CFAP70: variants seen among roughly 807,000 people sequenced by gnomAD.
CFAP70 encodes the protein cilia and flagella associated protein 70.
In CFAP70, 81 loss-of-function variants were observed where a neutral mutation model predicts 137.6. The ratio of observed to expected loss-of-function variants is 0.59; its 90% confidence interval spans 0.49 to 0.71. The LOEUF (loss-of-function observed/expected upper bound fraction) is 0.71. Ranked by LOEUF, CFAP70 falls within the 30% of genes least tolerant of loss-of-function variation. The pLI is 0.00. For synonymous variants in CFAP70, 382 were observed against 423.6 expected, an observed-to-expected ratio of 0.90 and a Z score of 1.20; for missense variants, 976 against 1,226.7, an observed-to-expected ratio of 0.80 and a Z score of 3.05.
At chr10:73,257,992 A>C (rs1336735656) in intron 25 of CFAP70, among the ~76,000 whole-genome samples, 3 of 151,204 alleles carry the variant, frequency 2.0e-5, no homozygotes, top group Non-Finnish European at 1.5e-5. Flanking sequence ...CCCTGGGTTC[A>C]AGCGATTCTC....
chr10:73,269,583 A>T, intron 25 of CFAP70, 31 bp downstream of exon 26: 1 of 1,530,934 alleles, frequency 6.5e-7, no homozygotes, highest in Non-Finnish European at 9.0e-7. Flanking sequence ...GTGCCCTAAA[A>T]GGGCATTGTG....
At position 73,345,086 on chromosome 10, in the gene CFAP70, CA is replaced by C. The variant is rs1211024594; in HGVS notation, c.377del (p.Leu126ArgfsTer20). The stretch of plus-strand genomic sequence containing the variant: ...TTACCTCTCCAAGTGATGGAACTTG[CA>C]GACCGACCATGTAGTTCTGCCCAGG... On this transcript the variant is annotated frameshift_variant, in exon 5 of 27. Transcript: ENST00000310715. LOFTEE classifies it high-confidence loss of function. 3 of 1,613,900 alleles carry C rather than the reference CA, an allele frequency of 1.9e-6. No homozygotes were observed. The highest frequency in any genetic ancestry group is 2.5e-6 in the Non-Finnish European group (3 of 1,179,960).
chr10:73,293,405 T>A lies in CFAP70; in HGVS notation c.1645-17A>T, dbSNP rs753241299. Reference sequence around the variant, plus strand: ...TGGCATGGTCTTGTCAATGTCAAGATGTTAGGTAGACAAAAATGAAACAAT... The same window carrying A: ...TGGCATGGTCTTGTCAATGTCAAGAAGTTAGGTAGACAAAAATGAAACAAT... On this transcript the variant is annotated splice_polypyrimidine_tract_variant and intron_variant, in intron 15 of 26. Coordinates refer to ENST00000310715, the Ensembl canonical transcript of CFAP70. The A allele has an allele frequency of 6.4e-7, 1 of 1,562,876 alleles. No homozygotes were observed. Among genetic ancestry groups the A allele is most frequent in the South Asian group, 1.2e-5 (1 of 83,814 alleles).
At chr10:73,334,308 T>A (rs1188598560) in intron 7 of CFAP70, among the ~76,000 whole-genome samples, 2 of 152,224 alleles carry the variant, frequency 1.3e-5, no homozygotes, top group East Asian at 3.8e-4. Flanking sequence ...AGAGGTTGGC[T>A]AATGAGACAT....
intron 9 of CFAP70, among the ~76,000 whole-genome samples, chr10:73,322,643 G>GATTCA (rs113796696): frequency 0.11 from 15,898 of 149,616 alleles, 1,196 homozygotes; most frequent in East Asian, 0.3. Context: ...ATGCATTTTA[G>GATTCA]TCTGTGCTGT....
At chr10:73,353,246 A>C (rs555848044) in intron 3 of CFAP70, among the ~76,000 whole-genome samples, 9 of 152,236 alleles carry the variant, frequency 5.9e-5, no homozygotes, top group African/African-American at 1.9e-4. Context: ...AGGTGATCTC[A>C]GTCTCTATTC....
At chr10:73,343,028 G>C (rs1282353473) in intron 5 of CFAP70, among the ~76,000 whole-genome samples, 3 of 152,000 alleles carry the variant, frequency 2.0e-5, no homozygotes, top group Non-Finnish European at 2.9e-5. Context: ...GGCTAATACG[G>C]TGAAACCCCA....
At chr10:73,308,628 C>CAAAA (rs201416589) in intron 12 of CFAP70, among the ~76,000 whole-genome samples, 689 of 64,114 alleles carry the variant, frequency 0.011, 12 homozygotes, top group African/African-American at 0.034. Flanking sequence ...AACTCCGTCT[C>CAAAA]AAAAAAAAAA....
intron 9 of CFAP70, among the ~76,000 whole-genome samples, chr10:73,317,194 T>G (rs1242402628): frequency 6.6e-6 from 1 of 152,134 alleles, no homozygotes; most frequent in Non-Finnish European, 1.5e-5. Flanking sequence ...ACTTTTGTAT[T>G]TTTAGTAGAT....
intron 25 of CFAP70, among the ~76,000 whole-genome samples, chr10:73,266,765 CTT>C (rs2133660804): frequency 6.6e-6 from 1 of 152,118 alleles, no homozygotes; most frequent in South Asian, 2.1e-4. Flanking sequence ...TTATTTGTGT[CTT>C]TCCATTTTAA....
At chr10:73,254,328 T>G (rs560852529) in intron 26 of CFAP70, 2 of 248,444 alleles carry the variant, frequency 8.1e-6, no homozygotes, top group African/African-American at 4.4e-5. Context: ...TCATTAAAAT[T>G]TACTTTTTTT....
At position 73,284,870 on chromosome 10, in the gene CFAP70, C is replaced by T. The variant is rs1379435113; in HGVS notation, c.2239+6356G>A. The stretch of plus-strand genomic sequence containing the variant: ...ATCATCTATGACTGCTTTCACATTA[C>T]ATTAGCAGAGTTGATTATTTATGAC... On this transcript the variant is annotated intron_variant, in intron 19 of 26. Transcript: ENST00000310715. Among the ~76,000 whole-genome samples the T allele has an allele frequency of 4.3e-5, 6 of 140,740 alleles. No individual in the cohort carries two copies. In the Admixed American group the frequency reaches 4.5e-4, roughly 11 times the overall value. 92.3% of individuals were successfully genotyped at this position (140,740 alleles called of 152,430 possible). A position where few individuals can be genotyped will look rare whatever the true frequency, so the allele number is the denominator to read the frequency against.
At chr10:73,256,902 C>CAAA (rs55805225) in intron 25 of CFAP70, among the ~76,000 whole-genome samples, 3 of 58,268 alleles carry the variant, frequency 5.1e-5, no homozygotes, top group Non-Finnish European at 7.6e-5. Flanking sequence ...GACTCCATCT[C>CAAA]AAAAAAAAAA....
At chr10:73,361,201 C>A (rs2054991326), upstream of CFAP70, among the ~76,000 whole-genome samples, 1 of 151,862 alleles carries the variant, frequency 6.6e-6, no homozygotes, top group African/African-American at 2.4e-5. Context: ...GCCATGTTGG[C>A]CAGGCTGGTC....
intron 25 of CFAP70, among the ~76,000 whole-genome samples, chr10:73,264,904 T>C (rs558552444): frequency 3.8e-4 from 58 of 152,314 alleles, no homozygotes; most frequent in African/African-American, 1.4e-3. Context: ...AAGTCAGAAC[T>C]CTACAAAAAG....
chr10:73,353,765 T>C, intron 2 of CFAP70, 23 bp from the exon 3 acceptor site: 1 of 1,606,960 alleles, frequency 6.2e-7, no homozygotes, highest in Non-Finnish European at 8.5e-7. Flanking sequence ...ACACACCACT[T>C]TACAATTATA....
intron 25 of CFAP70, among the ~76,000 whole-genome samples, chr10:73,260,155 C>T (rs1341264324): frequency 6.6e-6 from 1 of 152,136 alleles, no homozygotes; most frequent in Non-Finnish European, 1.5e-5. Context: ...GAGTTCAAGA[C>T]TAGCCTGGGC....
chr10:73,322,720 A>C (rs1033933638), intron 9 of CFAP70, among the ~76,000 whole-genome samples: 3 of 152,032 alleles, frequency 2.0e-5, no homozygotes, highest in Admixed American at 2.0e-4. Context: ...GGTACCACAC[A>C]ATTTGTTTTT....
intron 19 of CFAP70, among the ~76,000 whole-genome samples, chr10:73,283,848 C>T (rs1048573647): frequency 6.6e-6 from 1 of 152,328 alleles, no homozygotes; most frequent in East Asian, 1.9e-4. Flanking sequence ...TGAGCCACTA[C>T]ACTCAGCCTA....
Sources: allele counts gnomAD v4.1 joint callset (sites outside exome capture counted in the v4.1 genomes callset), GRCh38; gene constraint gnomAD v4.1.1; transcripts MANE v1.5; gene names NCBI Gene and HGNC (gene_info 2026-07-23, HGNC 2026-07-21).